ZNRF3: variants seen among roughly 807,000 people sequenced by gnomAD.
ZNRF3 encodes E3 ubiquitin-protein ligase ZNRF3.
Under a neutral mutation model 72.5 loss-of-function variants are expected in ZNRF3, and 23 were observed. That is an observed-to-expected ratio of 0.32 (90% CI 0.23 to 0.45). The LOEUF is 0.45. Ranked by LOEUF, ZNRF3 falls within the 20% of genes least tolerant of loss-of-function variation. ZNRF3 has a pLI of 1.00. For missense variants in ZNRF3, 1,169 were observed against 1,272.1 expected (o/e 0.92, Z 1.23); for synonymous variants, 610 against 545.3 (o/e 1.12, Z -1.65).
chr22:29,008,049 C>A (rs535426681), intron 2 of ZNRF3, among the ~76,000 whole-genome samples: 10 of 152,256 alleles, frequency 6.6e-5, no homozygotes, highest in Admixed American at 4.6e-4. Flanking sequence ...AGCCACGGCG[C>A]CCGGCTCAGA....
intron 8 of ZNRF3, 104 bp from the exon 9 acceptor site, chr22:29,053,475 C>T (rs1204567844): frequency 8.1e-6 from 9 of 1,105,906 alleles, no homozygotes; most frequent in Non-Finnish European, 1.2e-5. Context: ...CTTTAGCATA[C>T]ACAGGCCTGC....
At position 29,022,612 on chromosome 22, in the gene ZNRF3, C is replaced by T. The variant is rs1245138986; in HGVS notation, c.427-19883C>T. On this transcript the variant is annotated intron_variant, in intron 2 of 8. Coordinates refer to ENST00000544604, the MANE Select transcript of ZNRF3 (RefSeq NM_001206998.2). ...AGATGGGGGAAAAAGAACCCACAAC[C>T]CTGACTTTTGTCAGCTGTCCGTCTT... 1.3e-5 allele frequency among the ~76,000 whole-genome samples: 2 copies of T among 152,126 alleles called. 1 individual carries two copies. Among genetic ancestry groups the T allele is most frequent in the South Asian group, 4.1e-4 (2 of 4,830 alleles).
chr22:29,057,084 A>G lies in ZNRF3; in HGVS notation c.*3462A>G, dbSNP rs1385610835. The G allele has an allele frequency of 2.0e-5, 3 of 152,230 alleles. No homozygotes were observed. Among genetic ancestry groups the G allele is most frequent in the South Asian group, 2.1e-4 (1 of 4,834 alleles). 9.4% of individuals were successfully genotyped at this position (152,230 alleles called of 1,614,324 possible). A position where few individuals can be genotyped will look rare whatever the true frequency, so the allele number is the denominator to read the frequency against. ...TTTAATTTTTCCCATAGCACTTAAA[A>G]GAGATTTTGTAAAGACCTTGCTGTA... On this transcript the variant is annotated 3_prime_UTR_variant, in exon 9 of 9. Coordinates refer to ENST00000544604, the MANE Select transcript of ZNRF3 (RefSeq NM_001206998.2).
intron 2 of ZNRF3, among the ~76,000 whole-genome samples, chr22:29,005,615 C>G (rs2036227969): frequency 6.6e-6 from 1 of 152,182 alleles, no homozygotes; most frequent in Admixed American, 6.5e-5. Context: ...GGTACCTGTT[C>G]ACTCTTCCAG....
At chr22:28,902,276 T>C (rs2034122496) in intron 1 of ZNRF3, among the ~76,000 whole-genome samples, 1 of 152,198 alleles carries the variant, frequency 6.6e-6, no homozygotes, top group Non-Finnish European at 1.5e-5. Context: ...TAAGTTCTCT[T>C]TAGTTCTTCA....
intron 1 of ZNRF3, among the ~76,000 whole-genome samples, chr22:28,970,727 A>C (rs1342638257): frequency 6.6e-6 from 1 of 152,246 alleles, no homozygotes; most frequent in Non-Finnish European, 1.5e-5. Flanking sequence ...GCTGAATCAA[A>C]GGATCCAGGG....
At chr22:28,950,363 T>A (rs1049552261) in intron 1 of ZNRF3, among the ~76,000 whole-genome samples, 1 of 152,228 alleles carries the variant, frequency 6.6e-6, no homozygotes, top group Non-Finnish European at 1.5e-5. Context: ...AGGTGCTTGC[T>A]GCTCTGTTGT....
chr22:28,947,134 T>C (rs1359737102), intron 1 of ZNRF3, among the ~76,000 whole-genome samples: 1 of 152,228 alleles, frequency 6.6e-6, no homozygotes, highest in Admixed American at 6.5e-5. Flanking sequence ...TTTTGAATCC[T>C]TTAAATAAGC....
chr22:28,884,455 C>A (rs527486262), intron 1 of ZNRF3, among the ~76,000 whole-genome samples: 24 of 152,348 alleles, frequency 1.6e-4, no homozygotes, highest in African/African-American at 5.3e-4. Flanking sequence ...TTTCAGGTTG[C>A]AGGCTTTGCT....
At chr22:28,962,018 C>T (rs2035370019) in intron 1 of ZNRF3, among the ~76,000 whole-genome samples, 1 of 152,144 alleles carries the variant, frequency 6.6e-6, no homozygotes, top group Non-Finnish European at 1.5e-5. Context: ...GGTAAGAATA[C>T]ATGTGGACTT....
intron 3 of ZNRF3, 144 bp from the exon 4 acceptor site, chr22:29,043,155 T>C (rs937201266): frequency 4.3e-5 from 39 of 903,726 alleles, no homozygotes; most frequent in Middle Eastern, 2.9e-4. Flanking sequence ...GCCTTGCTCT[T>C]CTGGGAGCTC....
chr22:28,937,876 C>T (rs539652071), intron 1 of ZNRF3, among the ~76,000 whole-genome samples: 2 of 152,316 alleles, frequency 1.3e-5, no homozygotes, highest in African/African-American at 4.8e-5. Context: ...AAACAACCTT[C>T]TTTCTTTTGG....
At chr22:28,895,751 G>A (rs941875488) in intron 1 of ZNRF3, among the ~76,000 whole-genome samples, 1 of 152,078 alleles carries the variant, frequency 6.6e-6, no homozygotes. Context: ...GGTCTTAAGA[G>A]CTGGGATTAG....
intron 1 of ZNRF3, among the ~76,000 whole-genome samples, chr22:28,900,206 T>C (rs1175334567): frequency 1.3e-5 from 2 of 152,162 alleles, no homozygotes; most frequent in African/African-American, 4.8e-5. Context: ...GCTCCTTATT[T>C]ATATTCCTCA....
rs552739514 is a variant in ZNRF3, at chr22:29,053,860, T to C, written c.*238T>C. ...TCCTTTGCCTCTTTTGATAACATGT[T>C]GTTCTGTTTTGTAAAGTGTGTGTGC... On this transcript the variant is annotated 3_prime_UTR_variant, in exon 9 of 9. Coordinates refer to ENST00000544604, the MANE Select transcript of ZNRF3 (RefSeq NM_001206998.2). The C allele has an allele frequency of 2.3e-6, 1 of 438,686 alleles. No individual in the cohort carries two copies. The highest frequency in any genetic ancestry group is 3.8e-5 in the East Asian group (1 of 26,300). The allele number at this position is 438,686 out of a possible 1,614,324, so 27.2% of individuals were successfully genotyped here.
chr22:28,993,813 G>A (rs2035997121), intron 2 of ZNRF3, among the ~76,000 whole-genome samples: 3 of 152,194 alleles, frequency 2.0e-5, no homozygotes, highest in Admixed American at 1.3e-4. Flanking sequence ...CTCCCAAGTA[G>A]CTGGGACTAC....
At chr22:28,930,807 G>A (rs1421483256) in intron 1 of ZNRF3, among the ~76,000 whole-genome samples, 1 of 152,222 alleles carries the variant, frequency 6.6e-6, no homozygotes, top group African/African-American at 2.4e-5. Flanking sequence ...GTCAGAAGAG[G>A]AATGGAGGGG....
At chr22:28,943,876 T>C (rs59546292) in intron 1 of ZNRF3, among the ~76,000 whole-genome samples, 4,482 of 152,238 alleles carry the variant, frequency 0.029, 234 homozygotes, top group African/African-American at 0.1. Context: ...GACATGTGGC[T>C]CTTATTTTGC....
chr22:29,046,688 C>A, intron 5 of ZNRF3, 28 bp from the exon 6 acceptor site: 1 of 1,568,778 alleles, frequency 6.4e-7, no homozygotes, highest in Non-Finnish European at 8.6e-7. Context: ...GTACTGGACC[C>A]TCACACAGAC....
Sources: allele counts gnomAD v4.1 joint callset (sites outside exome capture counted in the v4.1 genomes callset), GRCh38; gene constraint gnomAD v4.1.1; transcripts MANE v1.5; gene names NCBI Gene and HGNC (gene_info 2026-07-23, HGNC 2026-07-21).